Variants in UNK observed in about 807,000 individuals in gnomAD.
UNK encodes the protein unk zinc finger, also known as RING finger protein unkempt homolog.
In UNK, 32 loss-of-function variants were observed where a neutral mutation model predicts 97.6. The ratio of observed to expected loss-of-function variants is 0.33; its 90% CI spans 0.25 to 0.44. The LOEUF is 0.44. UNK is among the 20% of genes least tolerant of loss of function. The pLI is 1.00. For missense variants in UNK, 771 were observed against 1,098.4 expected, an observed-to-expected ratio of 0.70 and a Z score of 4.21; for synonymous variants, 441 against 461.2, an observed-to-expected ratio of 0.96 and a Z score of 0.56.
chr17:75,806,102 C>CAA (rs112228363), intron 1 of UNK, among the ~76,000 whole-genome samples: 14 of 68,448 alleles, frequency 2.0e-4, no homozygotes, highest in African/African-American at 4.4e-4. Context: ...GACTCCGTCT[C>CAA]AAAAAAAAAA....
chr17:75,812,050 G>A (rs1007688539), intron 2 of UNK, 62 bp from the exon 3 acceptor site: 21 of 1,502,800 alleles, frequency 1.4e-5, no homozygotes, highest in African/African-American at 7.0e-5. Context: ...AGGGCAGGGG[G>A]TAGGCAGGGA....
rs927244092 is a variant in UNK, at chr17:75,817,648, C to T, written c.1305+122C>T. On this transcript the variant is annotated intron_variant, in intron 9 of 15. Coordinates refer to ENST00000589666, the MANE Select transcript of UNK (RefSeq NM_001080419.3). The surrounding 1 kb of genome is among the most constrained non-coding windows in gnomAD (Gnocchi z 5.8). ...CTGGGAGCTAGGACTCCACTGTCCTCGGCCTCTTCAGGACTGAACAGAGGG... is the reference window on the plus strand; with the variant it reads ...CTGGGAGCTAGGACTCCACTGTCCTTGGCCTCTTCAGGACTGAACAGAGGG... 2.5e-5 allele frequency: 28 copies of T among 1,101,140 alleles called. No homozygotes were observed. The highest frequency in any genetic ancestry group is 1.7e-4 in the African/African-American group (11 of 63,198). 68.2% of individuals were successfully genotyped at this position (1,101,140 alleles called of 1,614,324 possible). A position where few individuals can be genotyped will look rare whatever the true frequency, so the allele number is the denominator to read the frequency against.
chr17:75,817,539 G>T lies in UNK; in HGVS notation c.1305+13G>T. On this transcript the variant is annotated intron_variant, in intron 9 of 15. Coordinates refer to ENST00000589666, the MANE Select transcript of UNK (RefSeq NM_001080419.3). The surrounding 1 kb of genome is among the most constrained non-coding windows in gnomAD (Gnocchi z 5.8). ...TTTCAAATGCCAGGTAAGGGATGAG[G>T]GAGGCAGCAGTGAGGTTAGCCTTCT... The T allele has an allele frequency of 9.4e-6, 15 of 1,594,802 alleles. No individual in the cohort carries two copies. Among genetic ancestry groups the T allele is most frequent in the Non-Finnish European group, 1.3e-5 (15 of 1,168,548 alleles).
At chr17:75,786,760 G>A (rs374828295) in intron 1 of UNK, among the ~76,000 whole-genome samples, 2 of 152,212 alleles carry the variant, frequency 1.3e-5, no homozygotes, top group East Asian at 1.9e-4. Context: ...AGGAGGCTGA[G>A]GCAGGAGAAT....
rs1479462541 is a variant in UNK at position 75,825,788 on chromosome 17, T to C, written c.*1371T>C. On this transcript the variant is annotated 3_prime_UTR_variant, in exon 16 of 16. Transcript: ENST00000589666. This position sits in a 1 kb window ranked among gnomAD's most constrained non-coding sequence, Gnocchi z 4.4. ...AGCTCCAAACCTATTGGAAATAAAA[T>C]ATGAACTTGCAGTGGTAGCTTGTTT... 1 of 152,150 alleles carries C rather than the reference T, an allele frequency of 6.6e-6. No individual in the cohort carries two copies. The highest frequency in any genetic ancestry group is 2.4e-5 in the African/African-American group (1 of 41,432). The allele number at this position is 152,150 out of a possible 1,614,324, so 9.4% of individuals were successfully genotyped here.
At chr17:75,810,126 G>A (rs1215564455) in intron 2 of UNK, among the ~76,000 whole-genome samples, 157 bp downstream of exon 2, 1 of 152,256 alleles carries the variant, frequency 6.6e-6, no homozygotes, top group East Asian at 1.9e-4. Flanking sequence ...ATCCCTGGCG[G>A]TAGGCTGCGG....
chr17:75,817,292 C>T lies in UNK; in HGVS notation c.1105-34C>T. On this transcript the variant is annotated intron_variant, in intron 8 of 15. Transcript: ENST00000589666. This position sits in a 1 kb window ranked among gnomAD's most constrained non-coding sequence, Gnocchi z 5.8. ...GGCCACGCACCAGCCTGCGCTGTGC[C>T]CACGGGCCCACTCCCTCCCCTCCTT... is the stretch of plus-strand genomic sequence containing the variant. 1 of 1,533,904 alleles carries T rather than the reference C, an allele frequency of 6.5e-7. No individual in the cohort carries two copies. The highest frequency in any genetic ancestry group is 8.8e-7 in the Non-Finnish European group (1 of 1,139,158).
chr17:75,813,017 G>A (rs936935990), intron 4 of UNK, 61 bp from the exon 5 acceptor site: 29 of 1,515,248 alleles, frequency 1.9e-5, no homozygotes, highest in Non-Finnish European at 2.6e-5. Context: ...CTCCAGTCCT[G>A]CTAGTCTTGG....
At chr17:75,797,415 AG>A (rs2143702896) in intron 1 of UNK, among the ~76,000 whole-genome samples, 1 of 152,212 alleles carries the variant, frequency 6.6e-6, no homozygotes, top group East Asian at 1.9e-4. Context: ...TTGTATTTTT[AG>A]TAGAGATGGG....
Position 75,811,965 on chromosome 17 carries a change from A to G in UNK, c.315-147A>G, listed in dbSNP as rs992502304. On this transcript the variant is annotated intron_variant, in intron 2 of 15. Transcript: ENST00000589666. ...CGCGCCGCTGCACTCCAGCCTGGCGACAGAGCAAGACTCCGTCTCAAAAAC... is the reference window on the plus strand; with the variant it reads ...CGCGCCGCTGCACTCCAGCCTGGCGGCAGAGCAAGACTCCGTCTCAAAAAC... 4 of 1,002,046 alleles carry G rather than the reference A, an allele frequency of 4.0e-6. No homozygotes were observed. In the Admixed American group the frequency reaches 1.2e-4, roughly 30 times the overall value. The allele number at this position is 1,002,046 out of a possible 1,614,324, so 62.1% of individuals were successfully genotyped here. A position where few individuals can be genotyped will look rare whatever the true frequency, so the allele number is the denominator to read the frequency against.
chr17:75,822,816 G>A (rs987161737), intron 14 of UNK, among the ~76,000 whole-genome samples, 158 bp downstream of exon 14: 15 of 152,372 alleles, frequency 9.8e-5, no homozygotes, highest in East Asian at 1.9e-4. Flanking sequence ...GGGAGGACTC[G>A]CTTTGCCAGT....
chr17:75,785,090 T>A (rs2061695206), intron 1 of UNK, 106 bp downstream of exon 1: 9 of 579,980 alleles, frequency 1.6e-5, no homozygotes, highest in Non-Finnish European at 1.9e-5. Context: ...CCTCCCCCCC[T>A]TCCTCCTCCG....
At chr17:75,796,117 G>A (rs142646338) in intron 1 of UNK, among the ~76,000 whole-genome samples, 27 of 152,220 alleles carry the variant, frequency 1.8e-4, no homozygotes, top group African/African-American at 6.0e-4. Flanking sequence ...TCTGACTAAA[G>A]GCCAGTGTGG....
At position 75,813,183 on chromosome 17, in the gene UNK, G is replaced by A. The variant is rs779181743; in HGVS notation, c.728G>A (p.Arg243Gln). ...CCCTACTACCACAACAGCAAGGACCGGCGGCGGAGCCCCCGGAAGCACAAA... is the reference window on the plus strand; with the variant it reads ...CCCTACTACCACAACAGCAAGGACCAGCGGCGGAGCCCCCGGAAGCACAAA... ...ACPYYHNSKD[R>Q]RRSPRKHKYR... Residue 243 changes from arginine (R) to glutamine (Q), a missense_variant, in exon 5 of 16, where the codon CGG (arginine) becomes CAG (glutamine). Arg to Gln is a conservative substitution (Grantham distance 43). Coordinates refer to ENST00000589666, the MANE Select transcript of UNK (RefSeq NM_001080419.3). 1.3e-5 allele frequency: 21 copies of A among 1,590,802 alleles called. No individual in the cohort carries two copies. Among genetic ancestry groups the A allele is most frequent in the South Asian group, 8.0e-5 (7 of 87,688 alleles).
At chr17:75,797,370 G>A (rs1306742744) in intron 1 of UNK, among the ~76,000 whole-genome samples, 1 of 152,214 alleles carries the variant, frequency 6.6e-6, no homozygotes, top group Non-Finnish European at 1.5e-5. Flanking sequence ...AAGCAGCTGG[G>A]ACTACAGGCA....
intron 13 of UNK, chr17:75,821,260 C>T: frequency 2.7e-6 from 1 of 371,344 alleles, no homozygotes. Context: ...GCCACACACT[C>T]CTTCCTGCAC....
At chr17:75,796,908 AG>A (rs1203329871) in intron 1 of UNK, among the ~76,000 whole-genome samples, 5 of 152,134 alleles carry the variant, frequency 3.3e-5, no homozygotes, top group African/African-American at 1.2e-4. Context: ...TTAAACTTAA[AG>A]AACCTTTGAT....
chr17:75,801,317 G>T (rs909814559), intron 1 of UNK, among the ~76,000 whole-genome samples: 1 of 152,004 alleles, frequency 6.6e-6, no homozygotes, highest in African/African-American at 2.4e-5. Context: ...GGTGGCATGT[G>T]GATTATTTGT....
chr17:75,806,235 C>T (rs994222687), intron 1 of UNK, among the ~76,000 whole-genome samples: 8 of 151,684 alleles, frequency 5.3e-5, no homozygotes, highest in Admixed American at 3.9e-4. Flanking sequence ...GCGGGCGGAT[C>T]GCAAGTTCAG....
Sources: allele counts gnomAD v4.1 joint callset (sites outside exome capture counted in the v4.1 genomes callset), GRCh38; gene constraint gnomAD v4.1.1; non-coding constraint Gnocchi (gnomAD v3.1); transcripts MANE v1.5; gene names NCBI Gene and HGNC (gene_info 2026-07-23, HGNC 2026-07-21).